Variants in RTN4 observed in about 807,000 individuals in gnomAD.
RTN4 encodes the protein reticulon-4.
RTN4 carries 32 observed loss-of-function variants against 90.4 expected under a neutral mutation model. The observed-to-expected ratio is 0.35, with a 90% CI of 0.27 to 0.48. The LOEUF (loss-of-function observed/expected upper bound fraction) is 0.48, where lower values mean the gene tolerates loss of function less well. RTN4 is among the 20% of genes least tolerant of loss of function. The probability of loss-of-function intolerance (pLI) is 0.99; values close to 1 mark genes in which losing one functional copy is unlikely to be tolerated. For synonymous variants in RTN4, 629 were observed against 552.5 expected (o/e 1.14, Z -1.94); for missense variants, 1,706 against 1,430.2 (o/e 1.19, Z -3.11).
At chr2:55,105,284 C>G (rs1364212052) in intron 1 of RTN4, among the ~76,000 whole-genome samples, 1 of 135,458 alleles carries the variant, frequency 7.4e-6, no homozygotes, top group Non-Finnish European at 1.5e-5. Context: ...AGCTGGAGTA[C>G]AGTGGCACGA....
At chr2:55,101,157 T>G (rs1322328386) in intron 1 of RTN4, among the ~76,000 whole-genome samples, 1 of 152,112 alleles carries the variant, frequency 6.6e-6, no homozygotes, top group Non-Finnish European at 1.5e-5. Context: ...TTTTACATGT[T>G]GGCATATGCA....
intron 2 of RTN4, among the ~76,000 whole-genome samples, chr2:55,068,231 G>T (rs749996564): frequency 2.0e-5 from 3 of 152,074 alleles, no homozygotes; most frequent in Non-Finnish European, 4.4e-5. Flanking sequence ...AAAGTATATC[G>T]ATGAACATTT....
intron 2 of RTN4, 98 bp downstream of exon 2, chr2:55,028,065 TA>T: frequency 1.0e-6 from 1 of 976,968 alleles, no homozygotes; most frequent in Non-Finnish European, 1.5e-6. Context: ...GGAACCATGC[TA>T]ATTTTTAGTA....
chr2:55,097,498 A>G (rs1366977053), intron 1 of RTN4, among the ~76,000 whole-genome samples: 2 of 152,078 alleles, frequency 1.3e-5, no homozygotes, highest in Non-Finnish European at 2.9e-5. Context: ...AGGCAGAAAG[A>G]GCAGTTGGAA....
intron 3 of RTN4, among the ~76,000 whole-genome samples, chr2:55,014,796 T>G (rs1210447656): frequency 1.3e-5 from 2 of 152,188 alleles, no homozygotes; most frequent in Non-Finnish European, 2.9e-5. Context: ...ATTACAGACG[T>G]GAGCCACTGC....
intron 1 of RTN4, among the ~76,000 whole-genome samples, chr2:55,111,626 G>T (rs1411930049): frequency 6.6e-6 from 1 of 152,102 alleles, no homozygotes; most frequent in African/African-American, 2.4e-5. Flanking sequence ...CCTCTCCTAA[G>T]GACCCACTCA....
intron 1 of RTN4, among the ~76,000 whole-genome samples, chr2:55,108,290 A>C (rs1667978828): frequency 6.6e-6 from 1 of 152,118 alleles, no homozygotes; most frequent in African/African-American, 2.4e-5. Context: ...GGACAGCTAT[A>C]GGGAAATGTG....
Position 55,025,853 on chromosome 2 carries a change from C to T in RTN4, c.2246G>A (p.Ser749Asn), listed in dbSNP as rs749298792. ...SPDSEPVDLFSDDSIPDVPQK... is the reference protein window; with the variant it reads ...SPDSEPVDLFNDDSIPDVPQK... ...TGGAACGTCAGGTATTGAATCATCACTAAATAAGTCAACTGGTTCAGAATC... is the reference window on the plus strand; with the variant it reads ...TGGAACGTCAGGTATTGAATCATCATTAAATAAGTCAACTGGTTCAGAATC... The change falls in exon 3 of 9, where the codon AGT (serine) becomes AAT (asparagine). Residue 749 changes from serine to asparagine, a missense_variant. By Grantham distance (46) the Ser-to-Asn change is conservative. Transcript: ENST00000337526. 4 of 1,613,764 alleles carry T rather than the reference C, an allele frequency of 2.5e-6. No individual in the cohort carries two copies. In the South Asian group the frequency reaches 4.4e-5, roughly 18 times the overall value.
the RTN4 span, among the ~76,000 whole-genome samples, chr2:55,118,073 G>A: frequency 6.6e-6 from 1 of 152,192 alleles, no homozygotes; most frequent in African/African-American, 2.4e-5. Context: ...CCACCCCTGA[G>A]AAGACTGAAT....
chr2:55,090,123 T>C (rs772656969), intron 1 of RTN4, among the ~76,000 whole-genome samples: 3 of 152,170 alleles, frequency 2.0e-5, no homozygotes, highest in Non-Finnish European at 4.4e-5. Context: ...GGGGCTGTTT[T>C]GAGTAGGATG....
intron 1 of RTN4, among the ~76,000 whole-genome samples, chr2:55,037,040 T>C (rs1382327093): frequency 6.6e-6 from 1 of 152,152 alleles, no homozygotes; most frequent in South Asian, 2.1e-4. Context: ...TTTATAAGGA[T>C]ACAGGATAGA....
At chr2:54,990,386 C>T (rs963562129) in intron 3 of RTN4, among the ~76,000 whole-genome samples, 3 of 152,064 alleles carry the variant, frequency 2.0e-5, no homozygotes, top group Non-Finnish European at 4.4e-5. Flanking sequence ...TAAATATATA[C>T]AGCTATGATT....
At chr2:55,119,776 T>C in the RTN4 span, among the ~76,000 whole-genome samples, 1 of 152,156 alleles carries the variant, frequency 6.6e-6, no homozygotes, top group Admixed American at 6.5e-5. Flanking sequence ...GGGCATGTGG[T>C]TTCCACAACC....
intron 1 of RTN4, among the ~76,000 whole-genome samples, chr2:55,089,930 C>G (rs1016132767): frequency 6.6e-6 from 1 of 152,208 alleles, no homozygotes; most frequent in Non-Finnish European, 1.5e-5. Flanking sequence ...ACTAGACTGA[C>G]TCCCCTCCCC....
upstream of RTN4, among the ~76,000 whole-genome samples, chr2:55,114,159 A>G (rs905132710): frequency 3.9e-5 from 6 of 152,212 alleles, no homozygotes; most frequent in Admixed American, 3.9e-4. Flanking sequence ...CTGTCTTTAC[A>G]TTAGTCTATA....
chr2:55,019,564 A>C (rs1432398992), intron 3 of RTN4, among the ~76,000 whole-genome samples: 2 of 152,232 alleles, frequency 1.3e-5, no homozygotes, highest in Non-Finnish European at 2.9e-5. Context: ...ACAGTATCAT[A>C]AATGAACCCA....
At chr2:55,008,383 T>A (rs997757013) in intron 3 of RTN4, among the ~76,000 whole-genome samples, 1 of 152,126 alleles carries the variant, frequency 6.6e-6, no homozygotes, top group Non-Finnish European at 1.5e-5. Context: ...AACTTCTCAG[T>A]GATTTCCAAC....
Position 55,025,658 on chromosome 2 carries a change from AG to A in RTN4, c.2440del (p.Leu814CysfsTer9), listed in dbSNP as rs1342436835. 2 of 1,613,726 alleles carry A rather than the reference AG, an allele frequency of 1.2e-6. No homozygotes were observed. The highest frequency in any genetic ancestry group is 2.2e-5 in the East Asian group (1 of 44,882). On this transcript the variant is annotated frameshift_variant, in exon 3 of 9. Transcript: ENST00000337526. LOFTEE classifies it high-confidence loss of function. Reference protein sequence around the residue: ...KLSLDNTKDTLLPDEVSTLSK... With the variant: ...KLSLDNTKDTXLPDEVSTLSK... The stretch of plus-strand genomic sequence containing the variant: ...CAATGTTGAAACTTCATCAGGTAAC[AG>A]GGTATCTTTTGTGTTATCTAAACTG...
rs181216175 is a variant in RTN4, at chr2:55,025,330, G to A, written c.2769C>T (p.Asn923=). ...TTTTCTCTTCAACTTTGGGTTGTAT[G>A]TTCTTCAAAGAAAGGTCATGGGGCA... The part of the protein sequence containing the change: ...TELPHDLSLK[N]IQPKVEEKIS... The change falls in exon 3 of 9, where the codon AAC becomes AAT. Residue 923 remains asparagine (N), a synonymous_variant. Coordinates refer to ENST00000337526, the MANE Select transcript of RTN4 (RefSeq NM_020532.5). 120 of 1,613,930 alleles carry A rather than the reference G, an allele frequency of 7.4e-5. No individual in the cohort carries two copies. In the African/African-American group the frequency reaches 1.2e-3, roughly 17 times the overall value.
Sources: allele counts gnomAD v4.1 joint callset (sites outside exome capture counted in the v4.1 genomes callset), GRCh38; gene constraint gnomAD v4.1.1; transcripts MANE v1.5; gene names NCBI Gene and HGNC (gene_info 2026-07-23, HGNC 2026-07-21).